The following CPA4 variants were observed in gnomAD, a reference collection of about 807,000 sequenced individuals.
CPA4 encodes carboxypeptidase A3.
In CPA4, 49 loss-of-function variants were observed where a neutral mutation model predicts 54.7. The observed-to-expected ratio is 0.90, with a 90% CI of 0.71 to 1.14. The LOEUF (loss-of-function observed/expected upper bound fraction) is 1.14, where lower values mean the gene tolerates loss of function less well. Among genes scored for constraint, CPA4 ranks in the 50% most tolerant of loss-of-function variants. The probability of loss-of-function intolerance (pLI) is 0.00; values close to 1 mark genes in which losing one functional copy is unlikely to be tolerated. For missense variants in CPA4, 487 were observed against 525.1 expected, an observed-to-expected ratio of 0.93 and a Z score of 0.71; for synonymous variants, 215 against 206.8, an observed-to-expected ratio of 1.04 and a Z score of -0.34.
chr7:130,301,763 C>T (rs758423769), intron 4 of CPA4, among the ~76,000 whole-genome samples: 5 of 152,136 alleles, frequency 3.3e-5, no homozygotes, highest in East Asian at 1.9e-4. Flanking sequence ...CCATGCTTGT[C>T]GGTAGCTTTG....
intron 9 of CPA4, 35 bp from the exon 10 acceptor site, chr7:130,312,003 G>A (rs752177727): frequency 1.5e-5 from 23 of 1,538,642 alleles, no homozygotes; most frequent in Middle Eastern, 1.8e-4. Context: ...CTTCAGGATC[G>A]ATTTTTTCTC....
chr7:130,300,978 C>A, intron 4 of CPA4, 64 bp downstream of exon 4: 1 of 1,027,770 alleles, frequency 9.7e-7, no homozygotes, highest in Non-Finnish European at 1.5e-6. Context: ...AACCTCTCTC[C>A]TTACTTCCAG....
intron 4 of CPA4, 91 bp downstream of exon 4, chr7:130,301,005 G>A: frequency 1.3e-6 from 1 of 798,746 alleles, no homozygotes; most frequent in Non-Finnish European, 2.2e-6. Context: ...TTAGTCTTCA[G>A]CACAATATCC....
intron 10 of CPA4, among the ~76,000 whole-genome samples, chr7:130,316,638 G>T (rs946373011): frequency 3.9e-5 from 6 of 152,096 alleles, no homozygotes; most frequent in Non-Finnish European, 8.8e-5. Flanking sequence ...GTTGGTTGGG[G>T]TTTAAAATTG....
chr7:130,318,896 C>T (rs764972911), intron 10 of CPA4, among the ~76,000 whole-genome samples: 1 of 152,150 alleles, frequency 6.6e-6, no homozygotes, highest in East Asian at 1.9e-4. Context: ...TTTCCTAGAT[C>T]GCCATTTTAG....
At chr7:130,299,818 T>C (rs540201689) in intron 3 of CPA4, 1 of 169,502 alleles carries the variant, frequency 5.9e-6, no homozygotes, top group South Asian at 1.5e-4. Flanking sequence ...TGCCATTAAG[T>C]CATAAGTCCC....
chr7:130,318,787 A>G (rs947224713), intron 10 of CPA4, among the ~76,000 whole-genome samples: 2 of 152,140 alleles, frequency 1.3e-5, no homozygotes, highest in African/African-American at 4.8e-5. Flanking sequence ...TTCAAAAAAA[A>G]AGCAATCAAT....
At chr7:130,301,062 C>G (rs1359282468) in intron 4 of CPA4, 148 bp downstream of exon 4, 16 of 617,236 alleles carry the variant, frequency 2.6e-5, no homozygotes, top group South Asian at 4.2e-5. Flanking sequence ...CTTTCTAATT[C>G]TTGGATTGCT....
chr7:130,314,564 A>C (rs1406285109), intron 10 of CPA4, among the ~76,000 whole-genome samples: 1 of 152,240 alleles, frequency 6.6e-6, no homozygotes, highest in Non-Finnish European at 1.5e-5. Context: ...GCAAAGGAAC[A>C]GTTAGCTTGC....
In CPA4 at chr7:130,306,915, G is replaced by C. The variant is rs747841049; in HGVS notation, c.702+18G>C. The C allele has an allele frequency of 7.4e-7, 1 of 1,354,180 alleles. No homozygotes were observed. Among genetic ancestry groups the C allele is most frequent in the East Asian group, 2.3e-5 (1 of 43,674 alleles). The allele number at this position is 1,354,180 out of a possible 1,614,324, so 83.9% of individuals were successfully genotyped here. A position where few individuals can be genotyped will look rare whatever the true frequency, so the allele number is the denominator to read the frequency against. ...AAACTCAAGTGAGTATTCCCAAATG[G>C]GCTGGGCTTGCAGACTGTTGAATTC... On this transcript the variant is annotated intron_variant, in intron 7 of 10. Transcript: ENST00000222482.
intron 6 of CPA4, among the ~76,000 whole-genome samples, chr7:130,306,482 C>T (rs1793822942): frequency 6.6e-6 from 1 of 152,214 alleles, no homozygotes; most frequent in Admixed American, 6.5e-5. Context: ...TTCCTAAAAA[C>T]TATTACAATG....
intron 1 of CPA4, 143 bp downstream of exon 1, chr7:130,293,391 C>T: frequency 1.5e-6 from 1 of 662,044 alleles, no homozygotes; most frequent in Non-Finnish European, 2.7e-6. Flanking sequence ...TCATCCTGGA[C>T]AAGTCCACTC....
At chr7:130,318,945 C>T (rs186561676) in intron 10 of CPA4, among the ~76,000 whole-genome samples, 1 of 152,274 alleles carries the variant, frequency 6.6e-6, no homozygotes. Flanking sequence ...ACTCTTCTGC[C>T]TTCTAAAACA....
Position 130,305,922 on chromosome 7 carries a change from T to C in CPA4, c.591+2T>C, listed in dbSNP as rs1793813234. 2 of 1,610,098 alleles carry C rather than the reference T, an allele frequency of 1.2e-6. No individual in the cohort carries two copies. Among genetic ancestry groups the C allele is most frequent in the Non-Finnish European group, 1.7e-6 (2 of 1,176,546 alleles). On this transcript the variant is annotated splice_donor_variant, in intron 6 of 10. Transcript: ENST00000222482. LOFTEE classifies it high-confidence loss of function. ...ACTGCAATCTGGACGGCAAGGAAGG[T>C]CATGCTGCGTGGTATTAGCCAGGAA...
rs111435274 is a variant in CPA4 at position 130,318,377 on chromosome 7, G to A, written c.1079-4112G>A. ...AACAGAAGAGGAGGAAGGCTCTCCC[G>A]AGGGCTGTCCAGGAGACATAAAATT... is the stretch of plus-strand genomic sequence containing the variant. On this transcript the variant is annotated intron_variant, in intron 10 of 10. Transcript: ENST00000222482. Among the ~76,000 whole-genome samples, 1,127 of 152,292 alleles carry A rather than the reference G, an allele frequency of 7.4e-3. 14 individuals are homozygous for A. The highest frequency in any genetic ancestry group is 0.025 in the African/African-American group (1,021 of 41,572).
At chr7:130,300,966 G>C (rs1254008387) in intron 4 of CPA4, 52 bp downstream of exon 4, 1 of 1,161,862 alleles carries the variant, frequency 8.6e-7, no homozygotes, top group South Asian at 1.3e-5. Flanking sequence ...CCTGAATTTT[G>C]TAACCTCTCT....
intron 4 of CPA4, among the ~76,000 whole-genome samples, chr7:130,304,160 C>T (rs1368210850): frequency 6.6e-6 from 1 of 152,188 alleles, no homozygotes; most frequent in Non-Finnish European, 1.5e-5. Flanking sequence ...GTCACTGTGC[C>T]TGGCCGCTTG....
At chr7:130,316,519 T>C (rs972621248) in intron 10 of CPA4, among the ~76,000 whole-genome samples, 2 of 150,580 alleles carry the variant, frequency 1.3e-5, no homozygotes, top group African/African-American at 2.4e-5. Context: ...GGAGGGAGGG[T>C]TTTTTGATGT....
intron 1 of CPA4, among the ~76,000 whole-genome samples, chr7:130,296,517 A>G (rs1158879855): frequency 6.6e-6 from 1 of 152,052 alleles, no homozygotes; most frequent in Non-Finnish European, 1.5e-5. Flanking sequence ...TGATTTTCAT[A>G]CTCAAAGAGC....
Sources: gnomAD v4.1 joint callset for allele counts (sites outside exome capture counted in the v4.1 genomes callset) on GRCh38, gnomAD v4.1.1 for gene constraint, MANE v1.5 for transcripts, NCBI Gene and HGNC (gene_info 2026-07-23, HGNC 2026-07-21) for gene names.